Variants in SLC39A10 observed in about 807,000 individuals in gnomAD.
SLC39A10 encodes solute carrier family 39 member 10.
Under a neutral mutation model 65.1 loss-of-function variants are expected in SLC39A10, and 13 were observed. The ratio of observed to expected loss-of-function variants is 0.20; its 90% CI spans 0.13 to 0.32. SLC39A10 has a LOEUF of 0.32. Among genes scored for constraint, SLC39A10 ranks in the 10% least tolerant of loss-of-function variants. The pLI is 1.00. For missense variants in SLC39A10, 831 were observed against 1,018.4 expected, an observed-to-expected ratio of 0.82 and a Z score of 2.50; for synonymous variants, 321 against 342.2, an observed-to-expected ratio of 0.94 and a Z score of 0.68.
chr2:195,710,686 T>G (rs922583391), intron 5 of SLC39A10, among the ~76,000 whole-genome samples: 1 of 152,214 alleles, frequency 6.6e-6, no homozygotes, highest in Non-Finnish European at 1.5e-5. Flanking sequence ...TAGTTATATT[T>G]AGTCAGGACA....
At chr2:195,618,721 T>C (rs937428385) in intron 2 of SLC39A10, among the ~76,000 whole-genome samples, 4 of 152,124 alleles carry the variant, frequency 2.6e-5, no homozygotes, top group Admixed American at 2.6e-4. Context: ...GATATCAGGG[T>C]CCTGAATGCA....
At chr2:195,677,206 G>A (rs1322645950) in intron 1 of SLC39A10, among the ~76,000 whole-genome samples, 1 of 152,104 alleles carries the variant, frequency 6.6e-6, no homozygotes, top group Non-Finnish European at 1.5e-5. Context: ...ACACTTTGCA[G>A]TCCCCTCCAT....
chr2:195,670,075 C>A (rs747783924), intron 1 of SLC39A10, among the ~76,000 whole-genome samples: 5 of 152,112 alleles, frequency 3.3e-5, no homozygotes, highest in Non-Finnish European at 5.9e-5. Context: ...AGGAGAATCG[C>A]TTGAACCCTG....
intron 7 of SLC39A10, among the ~76,000 whole-genome samples, chr2:195,717,764 C>A (rs1229983580): frequency 6.6e-6 from 1 of 152,096 alleles, no homozygotes; most frequent in African/African-American, 2.4e-5. Context: ...TGCTAGTAGA[C>A]CTAGATGCAT....
intron 1 of SLC39A10, among the ~76,000 whole-genome samples, chr2:195,668,463 T>C (rs1689720839): frequency 6.6e-6 from 1 of 152,250 alleles, no homozygotes; most frequent in South Asian, 2.1e-4. Flanking sequence ...ACCTTCAGAA[T>C]AGCAATCTGG....
intron 8 of SLC39A10, among the ~76,000 whole-genome samples, chr2:195,721,951 T>C (rs1172041217): frequency 6.6e-6 from 1 of 152,218 alleles, no homozygotes; most frequent in Non-Finnish European, 1.5e-5. Context: ...GGTTACCTTC[T>C]TACCACCCTT....
intron 1 of SLC39A10, among the ~76,000 whole-genome samples, chr2:195,661,104 A>G (rs1182497055): frequency 6.6e-6 from 1 of 152,202 alleles, no homozygotes; most frequent in Non-Finnish European, 1.5e-5. Flanking sequence ...AACACAATAT[A>G]CCACTACACA....
chr2:195,680,295 CTT>C lies in SLC39A10; in HGVS notation c.256_257del (p.Leu86AsnfsTer12). The part of the protein sequence containing the change: ...GRLSFFGLEK[L>X]LTNLGLGERK... ...ATTATCCTTTTTTGGTTTGGAGAAA[CTT>C]TTAACAAACTTGGGCCTTGGAGAGA... On this transcript the variant is annotated frameshift_variant, in exon 2 of 10. Transcript: ENST00000359634. LOFTEE classifies it high-confidence loss of function. The C allele has an allele frequency of 6.2e-7, 1 of 1,614,000 alleles. No individual in the cohort carries two copies. Among genetic ancestry groups the C allele is most frequent in the Non-Finnish European group, 8.5e-7 (1 of 1,180,000 alleles).
upstream of SLC39A10, among the ~76,000 whole-genome samples, chr2:195,654,894 G>T (rs1173724775): frequency 1.4e-3 from 1 of 726 alleles, no homozygotes; most frequent in Non-Finnish European, 0.019. Flanking sequence ...ATGCTAGTAT[G>T]CAGAGAATCA....
chr2:195,713,313 ATAAT>A lies in SLC39A10; in HGVS notation c.1576-118_1576-115del, dbSNP rs1268403212. 5 of 808,556 alleles carry A rather than the reference ATAAT, an allele frequency of 6.2e-6. No homozygotes were observed. In the East Asian group the frequency reaches 1.7e-4, roughly 27 times the overall value. The allele number at this position is 808,556 out of a possible 1,614,324, so 50.1% of individuals were successfully genotyped here. A position where few individuals can be genotyped will look rare whatever the true frequency, so the allele number is the denominator to read the frequency against. ...GAATTTTTTTTCACGCCCCTTTAAA[ATAAT>A]TTATATATAAAGTTAACACCATTTT... is the stretch of plus-strand genomic sequence containing the variant. On this transcript the variant is annotated intron_variant, in intron 5 of 9. Coordinates refer to ENST00000359634, the MANE Select transcript of SLC39A10 (RefSeq NM_020342.3).
intron 3 of SLC39A10, among the ~76,000 whole-genome samples, chr2:195,705,610 AT>A (rs1691371656): frequency 6.6e-6 from 1 of 152,090 alleles, no homozygotes; most frequent in African/African-American, 2.4e-5. Context: ...CAGACTTAAT[AT>A]AAAGTCTTTC....
chr2:195,700,117 A>G (rs1691119031), intron 3 of SLC39A10, among the ~76,000 whole-genome samples: 1 of 152,122 alleles, frequency 6.6e-6, no homozygotes, highest in Non-Finnish European at 1.5e-5. Flanking sequence ...TCTTTGATGT[A>G]AAGTGAGTCT....
chr2:195,713,522 T>A lies in SLC39A10; in HGVS notation c.1665T>A (p.Asp555Glu). The A allele has an allele frequency of 6.3e-7, 1 of 1,578,526 alleles. No homozygotes were observed. The change falls in exon 6 of 10, where the codon GAT (aspartate) becomes GAA (glutamate). Residue 555 changes from aspartate to glutamate, a missense_variant. Physicochemically the swap from Asp to Glu is conservative, Grantham distance 45. Around this residue, in one of 4 missense-constraint regions of SLC39A10, gnomAD observed 230 missense variants for 242.9 expected, o/e 0.95. Transcript: ENST00000359634. ...LSDHKLNNTP[D>E]SDWLQLKPLA... ...ATCACAAGTTAAACAATACACCAGATTCTGACTGGCTTCAACTCAAGCCTC... is the reference window on the plus strand; with the variant it reads ...ATCACAAGTTAAACAATACACCAGAATCTGACTGGCTTCAACTCAAGCCTC...
At chr2:195,659,061 G>A (rs79615520) in intron 1 of SLC39A10, among the ~76,000 whole-genome samples, 1,896 of 152,248 alleles carry the variant, frequency 0.012, 38 homozygotes, top group African/African-American at 0.042. Flanking sequence ...ATTGCTATCA[G>A]GTATTTCACA....
At chr2:195,641,169 T>C (rs773807143) in intron 2 of SLC39A10, among the ~76,000 whole-genome samples, 1 of 152,284 alleles carries the variant, frequency 6.6e-6, no homozygotes, top group South Asian at 2.1e-4. Context: ...GGAAGATACA[T>C]GTGTAAGTGT....
intron 1 of SLC39A10, among the ~76,000 whole-genome samples, chr2:195,672,763 C>T (rs999738755): frequency 6.6e-6 from 1 of 152,154 alleles, no homozygotes; most frequent in Non-Finnish European, 1.5e-5. Context: ...CCTGTTTCCA[C>T]CTCTGGTACC....
At chr2:195,721,763 C>T (rs1692052226) in intron 8 of SLC39A10, among the ~76,000 whole-genome samples, 2 of 152,094 alleles carry the variant, frequency 1.3e-5, no homozygotes, top group Non-Finnish European at 2.9e-5. Flanking sequence ...TGGATAATCA[C>T]GCATACACCT....
chr2:195,720,016 C>A (rs1261373579), intron 8 of SLC39A10, among the ~76,000 whole-genome samples: 1 of 152,140 alleles, frequency 6.6e-6, no homozygotes, highest in Non-Finnish European at 1.5e-5. Flanking sequence ...TCTCGAACTC[C>A]TGACCTCAGG....
At chr2:195,701,372 G>A (rs991433996) in intron 3 of SLC39A10, among the ~76,000 whole-genome samples, 1 of 41,618 alleles carries the variant, frequency 2.4e-5, no homozygotes, top group East Asian at 6.6e-4. Flanking sequence ...TCAGACAGTT[G>A]TTTTAAAGTC....
Sources: allele counts gnomAD v4.1 joint callset (sites outside exome capture counted in the v4.1 genomes callset), GRCh38; gene constraint gnomAD v4.1.1; regional missense constraint gnomAD v4.1.1; transcripts MANE v1.5; gene names NCBI Gene and HGNC (gene_info 2026-07-23, HGNC 2026-07-21).